Variants in CACNA2D3 observed in about 807,000 individuals in gnomAD.
The protein encoded by CACNA2D3 is calcium voltage-gated channel auxiliary subunit alpha2delta 3.
Under a neutral mutation model 160.6 loss-of-function variants are expected in CACNA2D3, and 60 were observed. The ratio of observed to expected loss-of-function variants is 0.37; its 90% CI spans 0.30 to 0.46. The LOEUF (loss-of-function observed/expected upper bound fraction) is 0.46. Ranked by LOEUF, CACNA2D3 falls within the 20% of genes least tolerant of loss-of-function variation. The pLI, the probability that CACNA2D3 is intolerant of heterozygous loss-of-function variation, is 1.00. For synonymous variants in CACNA2D3, 558 were observed against 492.9 expected, an observed-to-expected ratio of 1.13 and a Z score of -1.75; for missense variants, 1,205 against 1,365.0, an observed-to-expected ratio of 0.88 and a Z score of 1.85.
intron 11 of CACNA2D3, among the ~76,000 whole-genome samples, chr3:54,689,951 G>A (rs1020586388): frequency 2.6e-5 from 4 of 152,082 alleles, no homozygotes; most frequent in Admixed American, 6.5e-5. Context: ...AAAAACCCAT[G>A]TCTCTTTCCT....
At chr3:54,597,680 G>A (rs970387590) in intron 9 of CACNA2D3, among the ~76,000 whole-genome samples, 1 of 152,026 alleles carries the variant, frequency 6.6e-6, no homozygotes, top group Non-Finnish European at 1.5e-5. Flanking sequence ...GGGAGAAGGT[G>A]AAAAATAAAA....
intron 4 of CACNA2D3, among the ~76,000 whole-genome samples, chr3:54,490,791 G>A (rs1015647173): frequency 6.6e-6 from 1 of 152,184 alleles, no homozygotes; most frequent in Non-Finnish European, 1.5e-5. Context: ...ATGGGGAGAA[G>A]AGTTCAGAGG....
At chr3:54,567,091 A>G (rs1299318598) in intron 6 of CACNA2D3, among the ~76,000 whole-genome samples, 1 of 152,182 alleles carries the variant, frequency 6.6e-6, no homozygotes, top group Non-Finnish European at 1.5e-5. Context: ...TTTCATAGCA[A>G]CTGTCTTGCT....
intron 35 of CACNA2D3, among the ~76,000 whole-genome samples, chr3:55,057,585 T>C (rs1442437200): frequency 2.0e-5 from 3 of 152,118 alleles, no homozygotes; most frequent in African/African-American, 7.2e-5. Context: ...TAGTATTATA[T>C]TGGGAAGGGA....
At chr3:54,923,168 C>T (rs1337813457) in intron 27 of CACNA2D3, among the ~76,000 whole-genome samples, 1 of 152,162 alleles carries the variant, frequency 6.6e-6, no homozygotes, top group Non-Finnish European at 1.5e-5. Context: ...GACTAAAACT[C>T]TTCAAGAGCT....
intron 27 of CACNA2D3, among the ~76,000 whole-genome samples, chr3:54,951,874 G>A (rs1701766413): frequency 6.6e-6 from 1 of 152,128 alleles, no homozygotes; most frequent in South Asian, 2.1e-4. Context: ...TTTTGGAGAC[G>A]GTCTCACTCC....
At chr3:54,588,636 C>T (rs1488702866) in intron 9 of CACNA2D3, among the ~76,000 whole-genome samples, 1 of 152,060 alleles carries the variant, frequency 6.6e-6, no homozygotes, top group Admixed American at 6.6e-5. Flanking sequence ...CAAAAACCAT[C>T]CTATTTCTCT....
rs1345082940 is a variant in CACNA2D3, at chr3:54,581,523, C to A, written c.889-280C>A. Among the ~76,000 whole-genome samples, 3 of 152,114 alleles carry A rather than the reference C, an allele frequency of 2.0e-5. No individual in the cohort carries two copies. In the East Asian group the frequency reaches 5.8e-4, roughly 29 times the overall value. On this transcript the variant is annotated intron_variant, in intron 8 of 37. Transcript: ENST00000474759. ...GGGAACTGCCAGCGTTTGGAGGCAA[C>A]CCCAAAGAATGATCAGTTAACAGGG...
At chr3:54,255,484 T>C (rs1223378306) in intron 2 of CACNA2D3, among the ~76,000 whole-genome samples, 1 of 152,186 alleles carries the variant, frequency 6.6e-6, no homozygotes, top group African/African-American at 2.4e-5. Flanking sequence ...AAGATTTATT[T>C]TGAAAGAATT....
intron 2 of CACNA2D3, among the ~76,000 whole-genome samples, chr3:54,279,090 A>G (rs1045614106): frequency 1.3e-5 from 2 of 152,174 alleles, no homozygotes; most frequent in African/African-American, 4.8e-5. Flanking sequence ...ACTGCTATAA[A>G]TGGACTTGTT....
At position 54,627,811 on chromosome 3, in the gene CACNA2D3, C is replaced by A; in HGVS notation, c.988C>A (p.Leu330Ile). ...KEHFREHLDK[L>I]FAKGIGMLDI... ...GCACTTCAGGGAGCATCTGGACAAA[C>A]TTTTCGCCAAAGGAATTGGAATGTT... The change falls in exon 10 of 38, where the codon CTT becomes ATT. Residue 330 changes from leucine (L) to isoleucine (I), a missense_variant. Leu to Ile is a conservative substitution (Grantham distance 5). Coordinates refer to ENST00000474759, the MANE Select transcript of CACNA2D3 (RefSeq NM_018398.3). The A allele has an allele frequency of 6.2e-7, 1 of 1,610,684 alleles. No individual in the cohort carries two copies. Among genetic ancestry groups the A allele is most frequent in the South Asian group, 1.1e-5 (1 of 89,798 alleles).
chr3:54,923,350 C>T (rs1481339988), intron 27 of CACNA2D3, among the ~76,000 whole-genome samples: 1 of 152,086 alleles, frequency 6.6e-6, no homozygotes, highest in Non-Finnish European at 1.5e-5. Flanking sequence ...TCCCCCTCAT[C>T]AAGCCCTTTG....
At chr3:54,318,974 C>T (rs1430560274) in intron 2 of CACNA2D3, among the ~76,000 whole-genome samples, 1 of 152,158 alleles carries the variant, frequency 6.6e-6, no homozygotes, top group Non-Finnish European at 1.5e-5. Flanking sequence ...CCAGCCTCAC[C>T]TCTAGGCTCT....
chr3:54,888,293 G>A (rs1160252875), intron 24 of CACNA2D3, among the ~76,000 whole-genome samples: 1 of 152,186 alleles, frequency 6.6e-6, no homozygotes, highest in Non-Finnish European at 1.5e-5. Context: ...GTACGCTGAG[G>A]TAGGGTGACA....
intron 11 of CACNA2D3, among the ~76,000 whole-genome samples, chr3:54,698,902 C>T (rs868592738): frequency 2.0e-5 from 3 of 152,112 alleles, no homozygotes; most frequent in Non-Finnish European, 4.4e-5. Context: ...TATGGGAGAG[C>T]GAGCAAAAGC....
chr3:54,946,563 G>T (rs1471741839), intron 27 of CACNA2D3, among the ~76,000 whole-genome samples: 1 of 152,158 alleles, frequency 6.6e-6, no homozygotes, highest in Non-Finnish European at 1.5e-5. Context: ...TGGAAAGTTT[G>T]ACTTAACGAA....
intron 11 of CACNA2D3, among the ~76,000 whole-genome samples, chr3:54,737,318 G>C (rs573753520): frequency 1.1e-3 from 167 of 152,110 alleles, no homozygotes; most frequent in Non-Finnish European, 2.0e-3. Flanking sequence ...AGACTAAAAA[G>C]GGGGACTTAT....
chr3:54,682,881 T>C (rs1700381737), intron 11 of CACNA2D3, among the ~76,000 whole-genome samples: 1 of 152,150 alleles, frequency 6.6e-6, no homozygotes, highest in African/African-American at 2.4e-5. Flanking sequence ...CTGCCTTCTC[T>C]GAAGTCGAGT....
intron 4 of CACNA2D3, among the ~76,000 whole-genome samples, chr3:54,492,073 A>G (rs1456462276): frequency 6.6e-6 from 1 of 152,166 alleles, no homozygotes; most frequent in Non-Finnish European, 1.5e-5. Context: ...AGGAGCCTAG[A>G]TAAACTGGTG....
Sources: allele counts gnomAD v4.1 joint callset (sites outside exome capture counted in the v4.1 genomes callset), GRCh38; gene constraint gnomAD v4.1.1; transcripts MANE v1.5; gene names NCBI Gene and HGNC (gene_info 2026-07-23, HGNC 2026-07-21).